The following SVEP1 variants were observed in gnomAD, a reference collection of about 807,000 sequenced individuals.
The protein encoded by SVEP1 is sushi, von Willebrand factor type A, EGF and pentraxin domain containing 1.
Under a neutral mutation model 367.3 loss-of-function variants are expected in SVEP1, and 164 were observed. The ratio of observed to expected loss-of-function variants is 0.45; its 90% CI spans 0.39 to 0.51. The LOEUF is 0.51. Among genes scored for constraint, SVEP1 ranks in the 20% least tolerant of loss-of-function variants. SVEP1 has a pLI of 0.00. For missense variants in SVEP1, 4,117 were observed against 4,425.3 expected, an observed-to-expected ratio of 0.93 and a Z score of 1.98; for synonymous variants, 1,666 against 1,611.6, an observed-to-expected ratio of 1.03 and a Z score of -0.81.
chr9:110,398,770 A>AT (rs1827809902), intron 40 of SVEP1, among the ~76,000 whole-genome samples: 1 of 152,240 alleles, frequency 6.6e-6, no homozygotes, highest in Admixed American at 6.5e-5. Flanking sequence ...GCCATCAGAG[A>AT]AATGCAAATC....
Position 110,389,929 on chromosome 9 carries a change from G to A in SVEP1, c.9823-342C>T, listed in dbSNP as rs140407175. ...TATTCTTAGAAATATATGAATCATA[G>A]TGTATCATAATATATGTATATACAC... On this transcript the variant is annotated intron_variant, in intron 40 of 47. Coordinates refer to ENST00000374469, the MANE Select transcript of SVEP1 (RefSeq NM_153366.4). 1.2e-4 allele frequency among the ~76,000 whole-genome samples: 18 copies of A among 150,934 alleles called. No individual in the cohort carries two copies. In the East Asian group the frequency reaches 3.5e-3, roughly 29 times the overall value.
chr9:110,387,819 C>CTTAAG (rs1200994954), intron 41 of SVEP1, among the ~76,000 whole-genome samples: 5 of 152,166 alleles, frequency 3.3e-5, no homozygotes, highest in Admixed American at 6.5e-5. Context: ...TCTTACAACA[C>CTTAAG]TTAAGTTGTA....
Position 110,434,428 on chromosome 9 carries a change from A to G in SVEP1, c.4967T>C (p.Leu1656Pro). ...CAGCTGGAAGCCTGGATCACAGAACAGATTGACTTTGGAACCTGGCTTTAA... is the reference window on the plus strand; with the variant it reads ...CAGCTGGAAGCCTGGATCACAGAACGGATTGACTTTGGAACCTGGCTTTAA... The part of the protein sequence containing the change: ...EDLKPGSKVN[L>P]FCDPGFQLVG... Residue 1656 changes from leucine to proline, a missense_variant, in exon 30 of 48, where the codon CTG (leucine) becomes CCG (proline). Transcript: ENST00000374469. 1 of 1,613,648 alleles carries G rather than the reference A, an allele frequency of 6.2e-7. No individual in the cohort carries two copies. Among genetic ancestry groups the G allele is most frequent in the Non-Finnish European group, 8.5e-7 (1 of 1,179,762 alleles).
chr9:110,520,124 CAG>C (rs1165970432), intron 3 of SVEP1, among the ~76,000 whole-genome samples: 1 of 152,028 alleles, frequency 6.6e-6, no homozygotes, highest in African/African-American at 2.4e-5. Context: ...CACTGGCGAA[CAG>C]AGTTTTGAAT....
chr9:110,483,684 G>A lies in SVEP1; in HGVS notation c.1940C>T (p.Pro647Leu), dbSNP rs2118709286. The A allele has an allele frequency of 6.3e-7, 1 of 1,593,562 alleles. No homozygotes were observed. The highest frequency in any genetic ancestry group is 1.7e-4 in the Middle Eastern group (1 of 5,966). The change falls in exon 10 of 48, where the codon CCA becomes CTA. Residue 647 changes from proline (P) to leucine (L), a missense_variant. This residue lies in a region of SVEP1 where 2,174 missense variants were observed against 2,494.3 expected (regional missense o/e 0.87). Transcript: ENST00000374469. ...IFHIKVIDAE[P>L]PVIDWCRSPP... ...AGATCTGCACCAGTCTATGACAGGT[G>A]GTTCTGCATCTGAAGAACATGAAAT...
chr9:110,414,605 C>T (rs546968191), intron 36 of SVEP1, among the ~76,000 whole-genome samples: 69 of 151,854 alleles, frequency 4.5e-4, no homozygotes, highest in Admixed American at 7.9e-4. Context: ...TTTCTGGAAT[C>T]GTAACAAAAA....
rs1226412352 is a variant in SVEP1 at position 110,469,086 on chromosome 9, C to G, written c.3014G>C (p.Gly1005Ala). ...RGRMCVNCPLGTYYNLEHFTC... is the reference protein window; with the variant it reads ...RGRMCVNCPLATYYNLEHFTC... ...GAAATGTTCCAGATTATAATAGGTT[C>G]CCAAAGGGCAATTGACTACAGAAAA... The change falls in exon 17 of 48, where the codon GGA (glycine) becomes GCA (alanine). Residue 1005 changes from glycine (G) to alanine (A), a missense_variant. Around this residue, in one of 4 missense-constraint regions of SVEP1, gnomAD observed 2,174 missense variants for 2,494.3 expected, o/e 0.87. Coordinates refer to ENST00000374469, the MANE Select transcript of SVEP1 (RefSeq NM_153366.4). 3 of 1,612,024 alleles carry G rather than the reference C, an allele frequency of 1.9e-6. No homozygotes were observed. The highest frequency in any genetic ancestry group is 1.7e-4 in the Middle Eastern group (1 of 6,054).
intron 20 of SVEP1, among the ~76,000 whole-genome samples, chr9:110,457,905 A>C (rs1414233493): frequency 6.6e-6 from 1 of 152,244 alleles, no homozygotes; most frequent in Admixed American, 6.5e-5. Context: ...CAAGGAATTC[A>C]TGACATTGGA....
At chr9:110,434,570 T>C in intron 29 of SVEP1, 64 bp from the exon 30 acceptor site, 1 of 1,501,958 alleles carries the variant, frequency 6.7e-7, no homozygotes, top group Non-Finnish European at 9.0e-7. Context: ...ACCAAGTCAA[T>C]GATTTCAAAC....
intron 1 of SVEP1, among the ~76,000 whole-genome samples, chr9:110,557,859 G>T (rs1198581650): frequency 6.6e-6 from 1 of 152,114 alleles, no homozygotes; most frequent in Non-Finnish European, 1.5e-5. Context: ...TCTGAAAATG[G>T]ATGGCCTAGA....
At chr9:110,545,344 C>A (rs947074099) in intron 3 of SVEP1, among the ~76,000 whole-genome samples, 3 of 152,196 alleles carry the variant, frequency 2.0e-5, no homozygotes, top group African/African-American at 7.2e-5. Flanking sequence ...AACCTCCATA[C>A]TGTTTTCCAT....
At chr9:110,506,889 AG>A (rs916402286) in intron 5 of SVEP1, among the ~76,000 whole-genome samples, 2 of 152,054 alleles carry the variant, frequency 1.3e-5, no homozygotes, top group African/African-American at 4.8e-5. Flanking sequence ...GGTGAGGGGA[AG>A]GGGAAGTCAG....
intron 3 of SVEP1, among the ~76,000 whole-genome samples, chr9:110,518,113 T>C (rs1829829527): frequency 6.6e-6 from 1 of 152,130 alleles, no homozygotes; most frequent in Non-Finnish European, 1.5e-5. Flanking sequence ...AGGTATTATG[T>C]GGGCAAAACC....
At chr9:110,389,622 A>C in intron 40 of SVEP1, 35 bp from the exon 41 acceptor site, 2 of 1,610,494 alleles carry the variant, frequency 1.2e-6, no homozygotes, top group Non-Finnish European at 1.7e-6. Flanking sequence ...TCAAGATCAT[A>C]ACTCTACAAT....
chr9:110,518,187 A>T (rs1829830559), intron 3 of SVEP1, among the ~76,000 whole-genome samples: 2 of 151,978 alleles, frequency 1.3e-5, no homozygotes, highest in South Asian at 2.1e-4. Context: ...CTTTGGGAGG[A>T]TAAGGCGGGC....
chr9:110,379,327 C>G lies in SVEP1; in HGVS notation c.10408+20G>C, dbSNP rs758516859. The G allele has an allele frequency of 6.2e-7, 1 of 1,610,402 alleles. No homozygotes were observed. Among genetic ancestry groups the G allele is most frequent in the Non-Finnish European group, 8.5e-7 (1 of 1,177,632 alleles). On this transcript the variant is annotated intron_variant, in intron 44 of 47. Transcript: ENST00000374469. ...TCCCTGCAGTTTCACTAAGAAATAA[C>G]CATTCAAATATTTCCTTACCTCTGC...
chr9:110,399,875 AAG>A (rs1350355693), intron 40 of SVEP1, among the ~76,000 whole-genome samples: 18 of 152,340 alleles, frequency 1.2e-4, no homozygotes, highest in Admixed American at 1.1e-3. Context: ...AAAAATAAAA[AAG>A]AGTTTCCTGA....
chr9:110,493,706 T>A (rs188385463), intron 8 of SVEP1, among the ~76,000 whole-genome samples: 109 of 152,238 alleles, frequency 7.2e-4, no homozygotes, highest in Middle Eastern at 3.4e-3. Context: ...CACTCCAGCC[T>A]GGGGACAGAG....
rs1208235524 is a variant in SVEP1, at chr9:110,427,727, C to T, written c.5839G>A (p.Ala1947Thr). Reference sequence around the variant, plus strand: ...GGCGCTCTGTCCCAGATGCCAGAAGCCGTGCATTCAATAATGGAAGGGCCC... The same window carrying T: ...GGCGCTCTGTCCCAGATGCCAGAAGTCGTGCATTCAATAATGGAAGGGCCC... ...LQGPSIIECT[A>T]SGIWDRAPPA... The change falls in exon 36 of 48, where the codon GCT (alanine) becomes ACT (threonine). Residue 1947 changes from alanine to threonine, a missense_variant. By Grantham distance (58) the Ala-to-Thr change is moderately conservative. Coordinates refer to ENST00000374469, the MANE Select transcript of SVEP1 (RefSeq NM_153366.4). 6.2e-7 allele frequency: 1 copy of T among 1,613,058 alleles called. No homozygotes were observed. The highest frequency in any genetic ancestry group is 8.5e-7 in the Non-Finnish European group (1 of 1,179,570).
Sources: gnomAD v4.1 joint callset for allele counts (sites outside exome capture counted in the v4.1 genomes callset) on GRCh38, gnomAD v4.1.1 for gene constraint, gnomAD v4.1.1 regional missense constraint, MANE v1.5 for transcripts, NCBI Gene and HGNC (gene_info 2026-07-23, HGNC 2026-07-21) for gene names.